STIM1: variants seen among roughly 807,000 people sequenced by gnomAD.
STIM1 encodes the protein stromal interaction molecule 1.
A neutral mutation model predicts 74.7 loss-of-function variants in STIM1; 25 were observed. The ratio of observed to expected loss-of-function variants is 0.33; its 90% CI spans 0.24 to 0.47. The LOEUF (loss-of-function observed/expected upper bound fraction) is 0.47, where lower values mean the gene tolerates loss of function less well. STIM1 is among the 20% of genes least tolerant of loss of function. The pLI, the probability that STIM1 is intolerant of heterozygous loss-of-function variation, is 1.00. For missense variants in STIM1, 728 were observed against 920.8 expected, an observed-to-expected ratio of 0.79 and a Z score of 2.71; for synonymous variants, 328 against 348.8, an observed-to-expected ratio of 0.94 and a Z score of 0.66.
At chr11:3,987,424 G>A (rs1417274692) in intron 2 of STIM1, among the ~76,000 whole-genome samples, 1 of 152,208 alleles carries the variant, frequency 6.6e-6, no homozygotes, top group African/African-American at 2.4e-5. Flanking sequence ...CAAGCTGCGT[G>A]ATCAGTTAAG....
chr11:3,976,225 AAT>A (rs757435560), intron 2 of STIM1, among the ~76,000 whole-genome samples: 1 of 152,260 alleles, frequency 6.6e-6, no homozygotes, highest in Admixed American at 6.5e-5. Context: ...ATGAACTACT[AAT>A]ATACACAACA....
chr11:3,892,769 C>T, intron 1 of STIM1: 1 of 1,613,244 alleles, frequency 6.2e-7, no homozygotes, highest in East Asian at 2.2e-5. Context: ...CTCTCCAGTG[C>T]TCAGAGCACG....
At chr11:4,076,407 G>A (rs898255778) in intron 7 of STIM1, among the ~76,000 whole-genome samples, 4 of 139,514 alleles carry the variant, frequency 2.9e-5, no homozygotes, top group Non-Finnish European at 4.6e-5. Context: ...GATTGCTTGA[G>A]CTTGGGAGGT....
chr11:3,926,383 G>A (rs990386000), intron 1 of STIM1, among the ~76,000 whole-genome samples: 5 of 152,116 alleles, frequency 3.3e-5, no homozygotes, highest in African/African-American at 1.2e-4. Flanking sequence ...CATTGGTAAA[G>A]CATAATTCTT....
At chr11:3,945,109 A>G (rs1191631382) in intron 1 of STIM1, among the ~76,000 whole-genome samples, 1 of 152,054 alleles carries the variant, frequency 6.6e-6, no homozygotes, top group East Asian at 1.9e-4. Context: ...TACTTTTACA[A>G]CTTACTGGCT....
chr11:3,935,060 G>T (rs1210828883), intron 1 of STIM1, among the ~76,000 whole-genome samples: 1 of 152,254 alleles, frequency 6.6e-6, no homozygotes, highest in Non-Finnish European at 1.5e-5. Flanking sequence ...CGCAGCTGCA[G>T]TTGCAGCAAT....
chr11:3,918,706 C>T (rs1292933224), intron 1 of STIM1, among the ~76,000 whole-genome samples: 1 of 152,110 alleles, frequency 6.6e-6, no homozygotes, highest in Non-Finnish European at 1.5e-5. Flanking sequence ...GAGTTCCATT[C>T]TACTCATGGA....
intron 1 of STIM1, among the ~76,000 whole-genome samples, chr11:3,895,863 C>T (rs967148856): frequency 3.2e-5 from 3 of 92,642 alleles, no homozygotes; most frequent in African/African-American, 5.5e-5. Context: ...TTCTCTCTCT[C>T]TCTCTTTCTT....
At chr11:4,034,257 C>G (rs1282585215) in intron 3 of STIM1, among the ~76,000 whole-genome samples, 1 of 139,140 alleles carries the variant, frequency 7.2e-6, no homozygotes, top group Non-Finnish European at 1.6e-5. Context: ...AATAAAATAA[C>G]AAAATTATAT....
chr11:4,051,943 G>A (rs1240154451), intron 3 of STIM1, among the ~76,000 whole-genome samples: 5 of 152,142 alleles, frequency 3.3e-5, no homozygotes, highest in African/African-American at 4.8e-5. Flanking sequence ...AAAATCATAA[G>A]CATTCCTATA....
intron 2 of STIM1, among the ~76,000 whole-genome samples, chr11:4,011,309 G>A (rs1447359601): frequency 1.3e-5 from 2 of 152,170 alleles, no homozygotes; most frequent in East Asian, 3.9e-4. Flanking sequence ...CTTCCACAAT[G>A]GTTGAACTAA....
At chr11:4,062,061 G>A (rs991940665) in intron 5 of STIM1, among the ~76,000 whole-genome samples, 1 of 152,170 alleles carries the variant, frequency 6.6e-6, no homozygotes, top group African/African-American at 2.4e-5. Flanking sequence ...ACTAGATAGA[G>A]GTAGTGGTTG....
chr11:3,913,548 G>A (rs910889260), intron 1 of STIM1, among the ~76,000 whole-genome samples: 1 of 152,140 alleles, frequency 6.6e-6, no homozygotes, highest in Non-Finnish European at 1.5e-5. Flanking sequence ...CCGGGTTCCT[G>A]ACTGTTTCTT....
chr11:3,927,520 G>A (rs747082376), intron 1 of STIM1, among the ~76,000 whole-genome samples: 1 of 152,212 alleles, frequency 6.6e-6, no homozygotes, highest in Non-Finnish European at 1.5e-5. Context: ...CTACTTACTT[G>A]TAACCTTTTT....
chr11:4,056,440 C>G (rs185588170), intron 4 of STIM1, among the ~76,000 whole-genome samples: 1 of 152,254 alleles, frequency 6.6e-6, no homozygotes, highest in Non-Finnish European at 1.5e-5. Context: ...TGCTCTGTGC[C>G]AAGCACTTGT....
chr11:4,006,080 C>T (rs989548991), intron 2 of STIM1, among the ~76,000 whole-genome samples: 2 of 152,132 alleles, frequency 1.3e-5, no homozygotes, highest in African/African-American at 4.8e-5. Context: ...ATCCCCAGTG[C>T]TGGAGGTGGG....
At chr11:4,086,607 CCTTTCATCTGGACAGT>C in intron 12 of STIM1, 64 bp downstream of exon 12, 1 of 1,604,346 alleles carries the variant, frequency 6.2e-7, no homozygotes, top group Non-Finnish European at 8.5e-7. Flanking sequence ...GAATGCGCAG[CCTTTCATCTGGACAGT>C]CTTTCAGTTC....
chr11:4,051,543 A>T (rs1487573144), intron 3 of STIM1, among the ~76,000 whole-genome samples: 6 of 151,718 alleles, frequency 4.0e-5, no homozygotes, highest in Admixed American at 3.9e-4. Flanking sequence ...AGGTTTCACC[A>T]TGTTGGCCAG....
intron 1 of STIM1, among the ~76,000 whole-genome samples, chr11:3,925,504 T>G (rs1242046949): frequency 6.6e-6 from 1 of 152,224 alleles, no homozygotes. Flanking sequence ...TATGTTCCTG[T>G]TTTTCATTAT....
Sources: gnomAD v4.1 joint callset for allele counts (sites outside exome capture counted in the v4.1 genomes callset) on GRCh38, gnomAD v4.1.1 for gene constraint, MANE v1.5 for transcripts, NCBI Gene and HGNC (gene_info 2026-07-23, HGNC 2026-07-21) for gene names.